Variants in UBR1 observed in about 807,000 individuals in gnomAD.
UBR1 encodes ubiquitin protein ligase E3 component n-recognin 1, also known as E3 ubiquitin-protein ligase UBR1.
A neutral mutation model predicts 242.1 loss-of-function variants in UBR1; 102 were observed. The ratio of observed to expected loss-of-function variants is 0.42; its 90% CI spans 0.36 to 0.50. The LOEUF is 0.50. Among genes scored for constraint, UBR1 ranks in the 20% least tolerant of loss-of-function variants. The pLI, the probability that UBR1 is intolerant of heterozygous loss-of-function variation, is 0.01. For missense variants in UBR1, 1,772 were observed against 2,101.8 expected (o/e 0.84, Z 3.07); for synonymous variants, 675 against 684.8 (o/e 0.99, Z 0.22).
intron 1 of UBR1, among the ~76,000 whole-genome samples, chr15:43,104,636 T>C (rs1050281827): frequency 3.3e-5 from 5 of 152,034 alleles, no homozygotes; most frequent in Admixed American, 6.6e-5. Flanking sequence ...AGTTGACTCA[T>C]GCCGTAGCTC....
chr15:42,980,422 T>C (rs1174056785), intron 37 of UBR1, among the ~76,000 whole-genome samples: 2 of 152,198 alleles, frequency 1.3e-5, no homozygotes, highest in East Asian at 1.9e-4. Context: ...CTACTTCTTA[T>C]TGGTTTTATT....
intron 44 of UBR1, 115 bp from the exon 45 acceptor site, chr15:42,952,563 G>A: frequency 8.4e-7 from 1 of 1,187,550 alleles, no homozygotes; most frequent in Non-Finnish European, 1.2e-6. Context: ...TTTCCAGCAA[G>A]GAAGCTCTTA....
chr15:43,041,518 C>T (rs907247211), intron 15 of UBR1, among the ~76,000 whole-genome samples: 2 of 151,998 alleles, frequency 1.3e-5, no homozygotes, highest in Admixed American at 1.3e-4. Context: ...GTGCAGCATA[C>T]CAACATGGCA....
rs2032743271 is a variant in UBR1, at chr15:43,002,626, A to ATGAGCCACCATGCCCAGTCAGT, written c.3587_3588insACTGACTGGGCATGGTGGCTCA (p.Cys1197LeufsTer32). Reference sequence around the variant, plus strand: ...TGCACAGAGATTTGCAAAGAGGGCAAAGATATTCTCCACTTTCCAAGTCAA... The same window carrying ATGAGCCACCATGCCCAGTCAGT: ...TGCACAGAGATTTGCAAAGAGGGCAATGAGCCACCATGCCCAGTCAGTAGATATTCTCCACTTTCCAAGTCAA... On this transcript the variant is annotated frameshift_variant, in exon 32 of 47. Transcript: ENST00000290650. LOFTEE classifies it high-confidence loss of function. 1 of 1,614,072 alleles carries ATGAGCCACCATGCCCAGTCAGT rather than the reference A, an allele frequency of 6.2e-7. No individual in the cohort carries two copies. Among genetic ancestry groups the ATGAGCCACCATGCCCAGTCAGT allele is most frequent in the African/African-American group, 1.3e-5 (1 of 74,922 alleles).
intron 33 of UBR1, among the ~76,000 whole-genome samples, chr15:42,993,361 A>G (rs943427520): frequency 7.3e-5 from 11 of 151,100 alleles, no homozygotes; most frequent in African/African-American, 2.7e-4. Context: ...ATTTTATGAA[A>G]TGTCTTTTTT....
intron 16 of UBR1, 55 bp from the exon 17 acceptor site, chr15:43,037,938 C>A: frequency 6.7e-7 from 1 of 1,482,178 alleles, no homozygotes; most frequent in South Asian, 1.2e-5. Context: ...GATGTGTCTC[C>A]AAGTTATGCC....
chr15:42,978,023 A>C, intron 37 of UBR1, 76 bp from the exon 38 acceptor site: 1 of 1,139,668 alleles, frequency 8.8e-7, no homozygotes, highest in South Asian at 1.2e-5. Context: ...AGCTAAAAAC[A>C]CCTAAACCAA....
At chr15:42,948,231 T>C (rs1348740576) in intron 46 of UBR1, among the ~76,000 whole-genome samples, 2 of 151,790 alleles carry the variant, frequency 1.3e-5, no homozygotes, top group African/African-American at 4.8e-5. Context: ...TAGCCATATG[T>C]AGAAAGCTGA....
chr15:42,970,686 G>T (rs2032190195), intron 39 of UBR1, 79 bp from the exon 40 acceptor site: 2 of 1,296,562 alleles, frequency 1.5e-6, no homozygotes, highest in Admixed American at 1.7e-5. Flanking sequence ...ATTGTTCCAA[G>T]ACAATAAACA....
chr15:43,037,892 G>C lies in UBR1; in HGVS notation c.1912-9C>G, dbSNP rs765721563. ...TCTACTTGAAAGTCCTCCTGAAATA[G>C]AGTGAGTTCAATTTTATCATTTCTC... On this transcript the variant is annotated splice_polypyrimidine_tract_variant and intron_variant, in intron 16 of 46. Coordinates refer to ENST00000290650, the MANE Select transcript of UBR1 (RefSeq NM_174916.3). 3.1e-6 allele frequency: 5 copies of C among 1,607,332 alleles called. No individual in the cohort carries two copies. The highest frequency in any genetic ancestry group is 3.4e-6 in the Non-Finnish European group (4 of 1,174,684).
chr15:42,987,613 C>A (rs2032490178), intron 35 of UBR1, among the ~76,000 whole-genome samples: 1 of 148,642 alleles, frequency 6.7e-6, no homozygotes, highest in African/African-American at 2.5e-5. Context: ...ACTCGGGAGC[C>A]TGAGGCAGGA....
chr15:43,064,812 C>T (rs1410633801), intron 6 of UBR1, among the ~76,000 whole-genome samples: 7 of 152,002 alleles, frequency 4.6e-5, no homozygotes, highest in South Asian at 2.1e-4. Context: ...TCAGGTGATC[C>T]GCCCGCCTCA....
intron 1 of UBR1, among the ~76,000 whole-genome samples, chr15:43,089,838 A>G (rs1486711822): frequency 1.3e-5 from 2 of 152,242 alleles, no homozygotes; most frequent in Non-Finnish European, 2.9e-5. Context: ...CAATAACTGC[A>G]AAGTACTCTA....
rs566247895 is a variant in UBR1, at chr15:42,963,535, C to A, written c.4700+400G>T. On this transcript the variant is annotated intron_variant, in intron 42 of 46. Transcript: ENST00000290650. ...TATTTTTTTTGATCTACCAAATGAC[C>A]TTCCTTCTTTTCTCAGTCACTCTCC... Among the ~76,000 whole-genome samples the A allele has an allele frequency of 8.0e-5, 12 of 150,822 alleles. 1 individual carries two copies. The highest frequency in any genetic ancestry group is 2.9e-4 in the African/African-American group (12 of 41,060).
At chr15:43,050,677 T>C (rs1032887672) in intron 12 of UBR1, among the ~76,000 whole-genome samples, 4 of 142,982 alleles carry the variant, frequency 2.8e-5, no homozygotes, top group Non-Finnish European at 6.0e-5. Context: ...TGAGCCAAGA[T>C]AGTGCTACTG....
chr15:43,013,591 T>G (rs772093533), intron 29 of UBR1, among the ~76,000 whole-genome samples: 1 of 152,206 alleles, frequency 6.6e-6, no homozygotes, highest in African/African-American at 2.4e-5. Context: ...ATAAGTGAAC[T>G]GATGTGTAAA....
At chr15:42,963,605 A>G (rs1208216756) in intron 42 of UBR1, among the ~76,000 whole-genome samples, 1 of 152,008 alleles carries the variant, frequency 6.6e-6, no homozygotes, top group Non-Finnish European at 1.5e-5. Context: ...TTTTGGATAC[A>G]GTTCCAATTT....
intron 1 of UBR1, among the ~76,000 whole-genome samples, chr15:43,104,723 TCA>T (rs2034276628): frequency 6.6e-6 from 1 of 151,882 alleles, no homozygotes; most frequent in African/African-American, 2.4e-5. Flanking sequence ...CAAAAAACCT[TCA>T]AGAATGCTTT....
chr15:42,981,654 TA>T (rs2032380708), intron 37 of UBR1, among the ~76,000 whole-genome samples: 1 of 152,104 alleles, frequency 6.6e-6, no homozygotes, highest in African/African-American at 2.4e-5. Context: ...CACGCCTGGC[TA>T]ATTTTTTGTA....
Sources: gnomAD v4.1 joint callset for allele counts (sites outside exome capture counted in the v4.1 genomes callset) on GRCh38, gnomAD v4.1.1 for gene constraint, MANE v1.5 for transcripts, NCBI Gene and HGNC (gene_info 2026-07-23, HGNC 2026-07-21) for gene names.